PTPRD: variants seen among roughly 807,000 people sequenced by gnomAD.
PTPRD encodes the protein receptor-type tyrosine-protein phosphatase delta.
Under a neutral mutation model 214.5 loss-of-function variants are expected in PTPRD, and 34 were observed. That is an observed-to-expected ratio of 0.16 (90% CI 0.12 to 0.21). The LOEUF is 0.21. PTPRD is among the 10% of genes least tolerant of loss of function. PTPRD has a pLI of 1.00. For missense variants in PTPRD, 2,545 were observed against 2,398.7 expected (o/e 1.06, Z -1.27); for synonymous variants, 1,128 against 845.7 (o/e 1.33, Z -5.79).
intron 11 of PTPRD, among the ~76,000 whole-genome samples, chr9:9,007,324 C>A (rs2099479472): frequency 6.7e-6 from 1 of 150,106 alleles, no homozygotes; most frequent in African/African-American, 2.5e-5. Context: ...ACTGGTAGCC[C>A]AAAGATGGCT....
intron 4 of PTPRD, among the ~76,000 whole-genome samples, chr9:9,989,940 G>C (rs545812863): frequency 3.2e-4 from 49 of 152,306 alleles, no homozygotes; most frequent in African/African-American, 1.1e-3. Flanking sequence ...GGCTGAGAAA[G>C]CAAGCCACCC....
chr9:9,929,232 T>A (rs550325527), intron 5 of PTPRD, among the ~76,000 whole-genome samples: 1 of 152,238 alleles, frequency 6.6e-6, no homozygotes, highest in East Asian at 1.9e-4. Context: ...TTATCAAGAG[T>A]AAATTAACAA....
At chr9:8,782,273 A>G (rs1032421807) in intron 11 of PTPRD, among the ~76,000 whole-genome samples, 1 of 152,126 alleles carries the variant, frequency 6.6e-6, no homozygotes, top group Non-Finnish European at 1.5e-5. Flanking sequence ...CGGTGAAAAT[A>G]TTTAAAATCT....
chr9:10,072,758 T>C (rs534583070), intron 3 of PTPRD, among the ~76,000 whole-genome samples: 1 of 152,256 alleles, frequency 6.6e-6, no homozygotes, highest in Admixed American at 6.5e-5. Flanking sequence ...GAGCACTGAT[T>C]GGTGCACTTT....
chr9:8,957,786 C>T (rs2099138963), intron 11 of PTPRD, among the ~76,000 whole-genome samples: 1 of 151,578 alleles, frequency 6.6e-6, no homozygotes, highest in Admixed American at 6.6e-5. Context: ...ATCTTAGTGG[C>T]CTAATGCTGA....
intron 2 of PTPRD, among the ~76,000 whole-genome samples, chr9:10,451,057 T>C: frequency 6.6e-6 from 1 of 151,996 alleles, no homozygotes; most frequent in East Asian, 1.9e-4. Flanking sequence ...TACTCAAGAA[T>C]TCTGCATTTT....
chr9:8,760,411 C>T (rs1463242002), intron 11 of PTPRD, among the ~76,000 whole-genome samples: 1 of 152,102 alleles, frequency 6.6e-6, no homozygotes, highest in Non-Finnish European at 1.5e-5. Context: ...CTATTTTAAA[C>T]AATTCTTTGT....
At chr9:9,744,401 T>C (rs935106117) in intron 6 of PTPRD, among the ~76,000 whole-genome samples, 4 of 152,116 alleles carry the variant, frequency 2.6e-5, no homozygotes, top group African/African-American at 4.8e-5. Context: ...CCAATTTTGT[T>C]AGTTATTTTA....
chr9:9,629,971 G>T (rs1432313490), intron 7 of PTPRD, among the ~76,000 whole-genome samples: 1 of 147,386 alleles, frequency 6.8e-6, no homozygotes, highest in Non-Finnish European at 1.5e-5. Context: ...GGTTAAGACA[G>T]CAGCCTCCCT....
intron 3 of PTPRD, among the ~76,000 whole-genome samples, chr9:10,254,048 G>T (rs1211575385): frequency 6.6e-6 from 1 of 152,122 alleles, no homozygotes; most frequent in Admixed American, 6.5e-5. Context: ...CTTAAAGAAA[G>T]CACGTTTTCT....
At chr9:9,339,901 T>TAA (rs2046112517) in intron 9 of PTPRD, among the ~76,000 whole-genome samples, 4 of 152,272 alleles carry the variant, frequency 2.6e-5, no homozygotes, top group Non-Finnish European at 5.9e-5. Flanking sequence ...CCAATATATA[T>TAA]AATCATAAAT....
At chr9:10,083,068 T>C (rs1305136724) in intron 3 of PTPRD, among the ~76,000 whole-genome samples, 1 of 151,798 alleles carries the variant, frequency 6.6e-6, no homozygotes, top group African/African-American at 2.4e-5. Context: ...CCCATATCTA[T>C]AATGCATTTT....
intron 3 of PTPRD, among the ~76,000 whole-genome samples, chr9:10,182,787 T>A (rs2099307584): frequency 6.6e-6 from 1 of 152,134 alleles, no homozygotes; most frequent in African/African-American, 2.4e-5. Flanking sequence ...ATTAGTGCAA[T>A]CATCCTAGAA....
intron 2 of PTPRD, among the ~76,000 whole-genome samples, chr9:10,592,711 A>G (rs773621921): frequency 6.6e-6 from 1 of 152,004 alleles, no homozygotes; most frequent in Non-Finnish European, 1.5e-5. Flanking sequence ...AAAACGCACC[A>G]ATCAGCGCTT....
At chr9:8,341,017 T>G in intron 41 of PTPRD, 73 bp downstream of exon 41, 2 of 1,384,260 alleles carry the variant, frequency 1.4e-6, no homozygotes, top group Admixed American at 5.0e-5. Flanking sequence ...GAGATGAAAT[T>G]TATTCTGGTT....
chr9:8,620,366 T>C (rs1327461176), intron 14 of PTPRD, among the ~76,000 whole-genome samples: 2 of 152,076 alleles, frequency 1.3e-5, no homozygotes, highest in Non-Finnish European at 2.9e-5. Flanking sequence ...CAAGACAGCA[T>C]GCCGCTCATG....
chr9:9,997,721 G>C (rs1200354927), intron 4 of PTPRD, among the ~76,000 whole-genome samples: 2 of 152,050 alleles, frequency 1.3e-5, no homozygotes, highest in African/African-American at 4.8e-5. Flanking sequence ...CAGAAAGGCA[G>C]CTTGAAAAGC....
chr9:9,670,822 A>G (rs2154386433), intron 7 of PTPRD, among the ~76,000 whole-genome samples: 1 of 152,344 alleles, frequency 6.6e-6, no homozygotes, highest in East Asian at 1.9e-4. Context: ...TTCAGAAGAT[A>G]TATGGAAATG....
intron 2 of PTPRD, among the ~76,000 whole-genome samples, chr9:10,422,810 T>C (rs1184948086): frequency 6.6e-6 from 1 of 152,088 alleles, no homozygotes; most frequent in South Asian, 2.1e-4. Context: ...AAACAACAGA[T>C]GCTGGAGTGG....
Sources: gnomAD v4.1 joint callset for allele counts (sites outside exome capture counted in the v4.1 genomes callset) on GRCh38, gnomAD v4.1.1 for gene constraint, MANE v1.5 for transcripts, NCBI Gene and HGNC (gene_info 2026-07-23, HGNC 2026-07-21) for gene names.